The following PPP1R3A variants were observed in gnomAD, a reference collection of about 807,000 sequenced individuals.
PPP1R3A encodes protein phosphatase 1 regulatory subunit 3A, also known as RG1.
In PPP1R3A, 29 loss-of-function variants were observed where a neutral mutation model predicts 41.7. That is an observed-to-expected ratio of 0.70 (90% CI 0.52 to 0.95). The LOEUF is 0.95. PPP1R3A is among the 40% of genes least tolerant of loss of function. The pLI, the probability that PPP1R3A is intolerant of heterozygous loss-of-function variation, is 0.00. For synonymous variants in PPP1R3A, 485 were observed against 453.4 expected, an observed-to-expected ratio of 1.07 and a Z score of -0.89; for missense variants, 1,352 against 1,292.4, an observed-to-expected ratio of 1.05 and a Z score of -0.71.
chr7:113,917,238 T>C (rs1011178297), intron 1 of PPP1R3A, among the ~76,000 whole-genome samples: 2 of 152,004 alleles, frequency 1.3e-5, no homozygotes, highest in Non-Finnish European at 2.9e-5. Flanking sequence ...ACCAAAATCC[T>C]TGGGTTTAGG....
chr7:113,915,542 T>C (rs1434069688), intron 1 of PPP1R3A, among the ~76,000 whole-genome samples: 1 of 149,164 alleles, frequency 6.7e-6, no homozygotes, highest in African/African-American at 2.4e-5. Context: ...TATATGTATG[T>C]ATATGTATAT....
intron 1 of PPP1R3A, 25 bp downstream of exon 1, chr7:113,918,190 T>C: frequency 1.3e-6 from 2 of 1,555,982 alleles, no homozygotes; most frequent in Non-Finnish European, 8.7e-7. Flanking sequence ...TTGTGAATAA[T>C]AAAATATGTA....
chr7:113,882,870 TA>T (rs1310597668), intron 1 of PPP1R3A, among the ~76,000 whole-genome samples: 2 of 151,954 alleles, frequency 1.3e-5, no homozygotes, highest in Admixed American at 1.3e-4. Context: ...ACAAGCTAAC[TA>T]AAAAACTGAA....
intron 1 of PPP1R3A, among the ~76,000 whole-genome samples, chr7:113,917,986 C>A (rs1797368804): frequency 6.6e-6 from 1 of 152,078 alleles, no homozygotes; most frequent in South Asian, 2.1e-4. Context: ...CAGTGCACTT[C>A]TCTCCCAACC....
Position 113,882,288 on chromosome 7 carries a change from T to C in PPP1R3A, c.815A>G (p.Asn272Ser). 6.7e-7 allele frequency: 1 copy of C among 1,487,014 alleles called. No individual in the cohort carries two copies. The highest frequency in any genetic ancestry group is 9.4e-7 in the Non-Finnish European group (1 of 1,066,786). The allele number at this position is 1,487,014 out of a possible 1,614,324, so 92.1% of individuals were successfully genotyped here. ...TGTATTCTTTGGATTCTCAAAGTTA[T>C]TTTCTTCTGATGTTACTGATGATTC... ...KEESSVTSEE[N>S]NFENPKNTDT... Residue 272 changes from asparagine to serine, a missense_variant, in exon 2 of 4, where the codon AAT becomes AGT. Coordinates refer to ENST00000284601, the MANE Select transcript of PPP1R3A (RefSeq NM_002711.4).
intron 3 of PPP1R3A, among the ~76,000 whole-genome samples, chr7:113,880,954 G>C (rs572147355): frequency 5.3e-5 from 8 of 152,094 alleles, no homozygotes; most frequent in South Asian, 2.1e-4. Context: ...ACAGCTCCCT[G>C]TTCATTTATT....
rs367738063 is a variant in PPP1R3A, at chr7:113,918,279, G to T, written c.718C>A (p.Pro240Thr). The change falls in exon 1 of 4, where the codon CCT (proline) becomes ACT (threonine). Residue 240 changes from proline to threonine, a missense_variant. Physicochemically the swap from Pro to Thr is conservative, Grantham distance 38. Transcript: ENST00000284601. ...GGAACTTCTTTCCATGGTTTTACAG[G>T]CTCCGGCTCTTGTTCTTTCTTTTGA... ...ICQKKEQEPEPVKPWKEVPNR... is the reference protein window; with the variant it reads ...ICQKKEQEPETVKPWKEVPNR... The T allele has an allele frequency of 6.7e-5, 108 of 1,610,680 alleles. 2 individuals are homozygous for T. The highest frequency in any genetic ancestry group is 3.3e-4 in the South Asian group (30 of 90,412).
chr7:113,877,700 AAG>A lies in PPP1R3A; in HGVS notation c.*21_*22del. ...TTTGGGGTTAAATAGCTTATCTTTT[AAG>A]AGAGAATAGTAGTGCTGAGGTTACT... On this transcript the variant is annotated 3_prime_UTR_variant, in exon 4 of 4. Transcript: ENST00000284601. The A allele has an allele frequency of 6.6e-7, 1 of 1,521,488 alleles. No individual in the cohort carries two copies. Among genetic ancestry groups the A allele is most frequent in the Non-Finnish European group, 8.8e-7 (1 of 1,138,050 alleles). 94.2% of individuals were successfully genotyped at this position (1,521,488 alleles called of 1,614,324 possible).
At chr7:113,891,217 C>A (rs1435940092) in intron 1 of PPP1R3A, among the ~76,000 whole-genome samples, 1 of 151,546 alleles carries the variant, frequency 6.6e-6, no homozygotes, top group African/African-American at 2.4e-5. Context: ...CTCTGCGCCT[C>A]ATTTTTCTCT....
intron 1 of PPP1R3A, among the ~76,000 whole-genome samples, chr7:113,890,819 A>C (rs1213966334): frequency 2.0e-5 from 3 of 152,072 alleles, no homozygotes; most frequent in African/African-American, 7.2e-5. Context: ...TGAGTTCTAC[A>C]GACTCTTTAC....
At chr7:113,882,538 C>A (rs1796711852) in intron 1 of PPP1R3A, among the ~76,000 whole-genome samples, 1 of 151,812 alleles carries the variant, frequency 6.6e-6, no homozygotes, top group African/African-American at 2.4e-5. Context: ...GTAATTCAAA[C>A]AATGCCATAT....
At chr7:113,913,173 G>A in intron 1 of PPP1R3A, among the ~76,000 whole-genome samples, 1 of 152,062 alleles carries the variant, frequency 6.6e-6, no homozygotes, top group East Asian at 1.9e-4. Flanking sequence ...GACTCAAAAC[G>A]AGTTAGTTAT....
chr7:113,909,117 A>G (rs146254940), intron 1 of PPP1R3A, among the ~76,000 whole-genome samples: 2,049 of 152,030 alleles, frequency 0.013, 39 homozygotes, highest in African/African-American at 0.043. Context: ...CTGCACATGG[A>G]CCCCTTGAAT....
At chr7:113,910,936 C>A (rs999040006) in intron 1 of PPP1R3A, among the ~76,000 whole-genome samples, 7 of 152,060 alleles carry the variant, frequency 4.6e-5, no homozygotes, top group African/African-American at 1.7e-4. Context: ...CTTTTTACTA[C>A]TGCAAATTTC....
intron 1 of PPP1R3A, among the ~76,000 whole-genome samples, chr7:113,899,725 A>G (rs1056203944): frequency 6.6e-6 from 1 of 151,780 alleles, no homozygotes; most frequent in Admixed American, 6.6e-5. Flanking sequence ...ACCACCCCAG[A>G]CCAATTAACT....
chr7:113,884,228 T>C (rs1270467675), intron 1 of PPP1R3A, among the ~76,000 whole-genome samples: 1 of 152,046 alleles, frequency 6.6e-6, no homozygotes, highest in Non-Finnish European at 1.5e-5. Context: ...ACAAATTCAA[T>C]ACTAATCAAA....
At chr7:113,917,412 G>A (rs1203740155) in intron 1 of PPP1R3A, among the ~76,000 whole-genome samples, 3 of 151,956 alleles carry the variant, frequency 2.0e-5, no homozygotes, top group Admixed American at 2.0e-4. Context: ...ATGTACTATC[G>A]AGACAGCTGA....
At chr7:113,889,330 C>A (rs569930371) in intron 1 of PPP1R3A, among the ~76,000 whole-genome samples, 1 of 152,104 alleles carries the variant, frequency 6.6e-6, no homozygotes, top group Admixed American at 6.6e-5. Flanking sequence ...CTTAAGATAT[C>A]AAGAAATAAA....
rs1797387413 is a variant in PPP1R3A at position 113,918,850 on chromosome 7, A to G, written c.147T>C (p.Ser49=). ...ATGGGGTATCCAGGTATATGTCTTC[A>G]GAAGAATCAGAACCTCGTCTACTTG... ...PQPSRRGSDS[S]EDIYLDTPSS... is the part of the protein sequence containing the mutation. Residue 49 remains serine, a synonymous_variant, in exon 1 of 4, where the codon TCT becomes TCC. Coordinates refer to ENST00000284601, the MANE Select transcript of PPP1R3A (RefSeq NM_002711.4). 6.2e-7 allele frequency: 1 copy of G among 1,613,876 alleles called. No individual in the cohort carries two copies. The highest frequency in any genetic ancestry group is 1.7e-5 in the Admixed American group (1 of 59,992).
Sources: gnomAD v4.1 joint callset for allele counts (sites outside exome capture counted in the v4.1 genomes callset) on GRCh38, gnomAD v4.1.1 for gene constraint, MANE v1.5 for transcripts, NCBI Gene and HGNC (gene_info 2026-07-23, HGNC 2026-07-21) for gene names.